The following PDS5A variants were observed in gnomAD, a reference collection of about 807,000 sequenced individuals.
PDS5A encodes sister chromatid cohesion protein PDS5 homolog A.
PDS5A carries 42 observed loss-of-function variants against 167.1 expected under a neutral mutation model. The observed-to-expected ratio is 0.25, with a 90% CI of 0.20 to 0.33. The LOEUF (loss-of-function observed/expected upper bound fraction) is 0.33, where lower values mean the gene tolerates loss of function less well. Ranked by LOEUF, PDS5A falls within the 10% of genes least tolerant of loss-of-function variation. The pLI is 1.00. For missense variants in PDS5A, 1,033 were observed against 1,605.9 expected, an observed-to-expected ratio of 0.64 and a Z score of 6.10; for synonymous variants, 553 against 554.6, an observed-to-expected ratio of 1.00 and a Z score of 0.04.
chr4:39,946,368 C>A (rs994261850), intron 2 of PDS5A, among the ~76,000 whole-genome samples: 1 of 151,712 alleles, frequency 6.6e-6, no homozygotes, highest in African/African-American at 2.4e-5. Flanking sequence ...CCTACAGGCA[C>A]GATGAGAAAC....
rs1560414827 is a variant in PDS5A at position 39,837,843 on chromosome 4, T to A, written c.4010+13A>T. ...GTCTAAATTCCCACTTGAGGAAGAA[T>A]GGCGTACATTACCTTTGTAAGTCAA... On this transcript the variant is annotated intron_variant, in intron 32 of 32. Transcript: ENST00000303538. 6.4e-7 allele frequency: 1 copy of A among 1,571,144 alleles called. No individual in the cohort carries two copies. The highest frequency in any genetic ancestry group is 1.2e-5 in the South Asian group (1 of 86,592).
Position 39,906,917 on chromosome 4 carries a change from TAAAAAAAAAAAA to T in PDS5A, c.1233+1466_1233+1477del, listed in dbSNP as rs1191690836. On this transcript the variant is annotated intron_variant, in intron 11 of 32. Transcript: ENST00000303538. ...CAAAAGCCTTTTGAGATTTCTTACA[TAAAAAAAAAAAA>T]AAAAAAAAAAAAAACAAGCAATAAA... 5.6e-5 allele frequency among the ~76,000 whole-genome samples: 3 copies of T among 54,034 alleles called. No individual in the cohort carries two copies. In the Admixed American group the frequency reaches 6.1e-4, roughly 11 times the overall value. The allele number at this position is 54,034 out of a possible 152,430, so 35.4% of individuals were successfully genotyped here. A position where few individuals can be genotyped will look rare whatever the true frequency, so the allele number is the denominator to read the frequency against.
At chr4:39,856,945 G>A (rs866782386) in intron 26 of PDS5A, among the ~76,000 whole-genome samples, 2 of 152,130 alleles carry the variant, frequency 1.3e-5, no homozygotes, top group Admixed American at 6.6e-5. Context: ...TAAAGGGAGG[G>A]AAAATACAGA....
At chr4:39,831,213 C>T (rs1371785012) in intron 32 of PDS5A, among the ~76,000 whole-genome samples, 1 of 152,186 alleles carries the variant, frequency 6.6e-6, no homozygotes, top group Non-Finnish European at 1.5e-5. Flanking sequence ...ATTCTTCTGC[C>T]TCAGCCTACT....
At chr4:39,901,561 C>T (rs534271249) in intron 13 of PDS5A, among the ~76,000 whole-genome samples, 8 of 152,100 alleles carry the variant, frequency 5.3e-5, no homozygotes, top group Non-Finnish European at 7.4e-5. Context: ...TTAGCCTCCA[C>T]GTCCGGCCTA....
At chr4:39,891,098 A>G (rs1047866165) in intron 16 of PDS5A, among the ~76,000 whole-genome samples, 18 of 151,546 alleles carry the variant, frequency 1.2e-4, no homozygotes, top group African/African-American at 4.4e-4. Context: ...CAATGGTGCA[A>G]TCTTGGCTCA....
At chr4:39,837,778 G>A (rs1479301087) in intron 32 of PDS5A, 78 bp downstream of exon 32, 1 of 1,039,252 alleles carries the variant, frequency 9.6e-7, no homozygotes, top group Non-Finnish European at 1.4e-6. Flanking sequence ...AGGTGTTTGG[G>A]GTGACTGGCA....
At chr4:39,867,733 A>AAAAC (rs1289481633) in intron 22 of PDS5A, among the ~76,000 whole-genome samples, 4 of 130,632 alleles carry the variant, frequency 3.1e-5, no homozygotes, top group African/African-American at 1.4e-4. Context: ...AAAAAACCAA[A>AAAAC]ACACACACAC....
intron 2 of PDS5A, among the ~76,000 whole-genome samples, chr4:39,930,246 A>AAAAAAAAAAAAAAAAAAAAGTTTTTT: frequency 1.1e-5 from 1 of 93,088 alleles, no homozygotes; most frequent in Non-Finnish European, 2.2e-5. Context: ...AAAAAAAAAA[A>AAAAAAAAAAAAAAAAAAAAGTTTTTT]GTTTTTTTGT....
rs1311863846 is a variant in PDS5A, at chr4:39,900,527, A to G, written c.1500-20T>C. 2 of 1,458,518 alleles carry G rather than the reference A, an allele frequency of 1.4e-6. No homozygotes were observed. Among genetic ancestry groups the G allele is most frequent in the Admixed American group, 3.9e-5 (2 of 51,760 alleles). 90.3% of individuals were successfully genotyped at this position (1,458,518 alleles called of 1,614,324 possible). A position where few individuals can be genotyped will look rare whatever the true frequency, so the allele number is the denominator to read the frequency against. On this transcript the variant is annotated intron_variant, in intron 13 of 32. Transcript: ENST00000303538. Reference sequence around the variant, plus strand: ...AGAGCTCTGTAAAGTTATGAATATGAAAACACACATTACATAACAATACTG... The same window carrying G: ...AGAGCTCTGTAAAGTTATGAATATGGAAACACACATTACATAACAATACTG...
At chr4:39,834,022 T>C (rs756641267) in intron 32 of PDS5A, among the ~76,000 whole-genome samples, 2 of 152,130 alleles carry the variant, frequency 1.3e-5, no homozygotes, top group Non-Finnish European at 2.9e-5. Context: ...AACTGAAACA[T>C]GGCTTTACCA....
At chr4:39,877,639 T>C (rs1345405245) in intron 18 of PDS5A, among the ~76,000 whole-genome samples, 2 of 151,994 alleles carry the variant, frequency 1.3e-5, no homozygotes, top group Non-Finnish European at 2.9e-5. Context: ...TTTTTTTTTT[T>C]CTTTTTTTGA....
intron 16 of PDS5A, among the ~76,000 whole-genome samples, chr4:39,896,227 T>C (rs1722398816): frequency 6.6e-6 from 1 of 151,456 alleles, no homozygotes; most frequent in South Asian, 2.1e-4. Context: ...TAATGTTTTG[T>C]AGAGGCGGGG....
chr4:39,891,614 C>T (rs1721970991), intron 16 of PDS5A, among the ~76,000 whole-genome samples: 1 of 151,972 alleles, frequency 6.6e-6, no homozygotes, highest in Non-Finnish European at 1.5e-5. Flanking sequence ...TGCCATTGCA[C>T]TCCAGCCTGG....
chr4:39,916,235 C>T (rs1724368364), intron 8 of PDS5A, among the ~76,000 whole-genome samples: 2 of 151,952 alleles, frequency 1.3e-5, no homozygotes, highest in South Asian at 4.1e-4. Flanking sequence ...ACAAGAGGAT[C>T]ACTTGAGCCC....
At position 39,867,772 on chromosome 4, in the gene PDS5A, A is replaced by ACCCC. The variant is rs1553892690; in HGVS notation, c.2506-776_2506-775insGGGG. On this transcript the variant is annotated intron_variant, in intron 22 of 32. Transcript: ENST00000303538. ...CACACACACACACACACACACACAC[A>ACCCC]CACCCCACAACTGTACTGATTGTGG... Among the ~76,000 whole-genome samples, 112 of 90,660 alleles carry ACCCC rather than the reference A, an allele frequency of 1.2e-3. 3 individuals are homozygous for ACCCC. In the East Asian group the frequency reaches 0.029, roughly 23 times the overall value. The allele number at this position is 90,660 out of a possible 152,430, so 59.5% of individuals were successfully genotyped here.
intron 2 of PDS5A, among the ~76,000 whole-genome samples, chr4:39,948,276 C>T (rs1402215907): frequency 6.8e-6 from 1 of 146,704 alleles, no homozygotes; most frequent in Non-Finnish European, 1.5e-5. Flanking sequence ...ATGTTTATAG[C>T]AGCATTATTC....
At chr4:39,973,490 G>C in intron 2 of PDS5A, 1 of 1,336,324 alleles carries the variant, frequency 7.5e-7, no homozygotes, top group South Asian at 1.2e-5. Flanking sequence ...CTTGATGATA[G>C]TATTGATGAT....
At chr4:39,899,424 C>T (rs1003153296) in intron 14 of PDS5A, among the ~76,000 whole-genome samples, 1 of 152,114 alleles carries the variant, frequency 6.6e-6, no homozygotes, top group Non-Finnish European at 1.5e-5. Context: ...TTAGTAGTTT[C>T]GATGGAATAT....
Sources: gnomAD v4.1 joint callset for allele counts (sites outside exome capture counted in the v4.1 genomes callset) on GRCh38, gnomAD v4.1.1 for gene constraint, MANE v1.5 for transcripts, NCBI Gene and HGNC (gene_info 2026-07-23, HGNC 2026-07-21) for gene names.